The following SLC30A8 variants were observed in gnomAD, a reference collection of about 807,000 sequenced individuals.
The protein encoded by SLC30A8 is solute carrier family 30 member 8, also known as proton-coupled zinc antiporter SLC30A8.
A neutral mutation model predicts 36.9 loss-of-function variants in SLC30A8; 27 were observed. The ratio of observed to expected loss-of-function variants is 0.73; its 90% CI spans 0.54 to 1.01. SLC30A8 has a LOEUF of 1.01. SLC30A8 is among the 50% of genes least tolerant of loss of function. The pLI is 0.00. For synonymous variants in SLC30A8, 164 were observed against 172.4 expected (o/e 0.95, Z 0.38); for missense variants, 439 against 452.0 (o/e 0.97, Z 0.26).
At chr8:117,023,168 G>A (rs1231735020) in intron 1 of SLC30A8, among the ~76,000 whole-genome samples, 3 of 152,162 alleles carry the variant, frequency 2.0e-5, no homozygotes, top group Admixed American at 6.5e-5. Context: ...AAACCACAAT[G>A]AGATACCATC....
upstream of SLC30A8, among the ~76,000 whole-genome samples, chr8:117,130,856 T>C (rs1341999397): frequency 6.6e-6 from 1 of 151,952 alleles, no homozygotes. Flanking sequence ...TGGAGAAGAA[T>C]TGAAGAAATA....
intron 1 of SLC30A8, among the ~76,000 whole-genome samples, chr8:116,967,891 C>T (rs1428748737): frequency 3.3e-5 from 5 of 151,988 alleles, no homozygotes; most frequent in Non-Finnish European, 7.4e-5. Context: ...TGAATCGTCC[C>T]GGTTTTCTCT....
At chr8:117,035,794 A>G (rs7845491) in intron 1 of SLC30A8, among the ~76,000 whole-genome samples, 56,734 of 152,026 alleles carry the variant, frequency 0.37, 10,800 homozygotes, top group South Asian at 0.47. Flanking sequence ...AATTCTGTGT[A>G]CTGGAAGGCC....
chr8:116,970,905 G>A (rs1814772490), intron 1 of SLC30A8, among the ~76,000 whole-genome samples: 1 of 152,136 alleles, frequency 6.6e-6, no homozygotes, highest in East Asian at 1.9e-4. Context: ...GACCAGCCTG[G>A]CCAACATGGC....
intron 1 of SLC30A8, among the ~76,000 whole-genome samples, chr8:116,980,547 A>G (rs940439850): frequency 2.0e-5 from 3 of 152,186 alleles, no homozygotes; most frequent in African/African-American, 7.2e-5. Context: ...CTGGGGATAT[A>G]AAGTGTCATC....
rs376864539 is a variant in SLC30A8, at chr8:116,985,170, GA to G, written c.-266+34060del. ...GCAGAAATGTAGAAAGGTCAAATTAGAAAAAAAAATTTGCCTTTACTTCTTC... is the reference window on the plus strand; with the variant it reads ...GCAGAAATGTAGAAAGGTCAAATTAGAAAAAAAATTTGCCTTTACTTCTTC... On this transcript the variant is annotated intron_variant, in intron 1 of 10. Transcript: ENST00000427715. Among the ~76,000 whole-genome samples, 85 of 151,028 alleles carry G rather than the reference GA, an allele frequency of 5.6e-4. 2 individuals carry two copies. In the East Asian group the frequency reaches 0.011, roughly 20 times the overall value.
chr8:116,961,807 C>T (rs186622160), intron 1 of SLC30A8, among the ~76,000 whole-genome samples: 1 of 151,938 alleles, frequency 6.6e-6, no homozygotes, highest in Non-Finnish European at 1.5e-5. Flanking sequence ...TTGTGTCGCT[C>T]AGACTAGAGT....
At chr8:117,166,958 A>G (rs1349569649) in intron 6 of SLC30A8, among the ~76,000 whole-genome samples, 1 of 151,822 alleles carries the variant, frequency 6.6e-6, no homozygotes, top group Non-Finnish European at 1.5e-5. Flanking sequence ...TGGATAACGG[A>G]GTCAAATGTC....
intron 2 of SLC30A8, among the ~76,000 whole-genome samples, chr8:117,098,539 A>C (rs1220016510): frequency 6.6e-6 from 1 of 152,086 alleles, no homozygotes; most frequent in Non-Finnish European, 1.5e-5. Context: ...CCATTTCTGG[A>C]GAGAGAATAT....
intron 2 of SLC30A8, among the ~76,000 whole-genome samples, chr8:117,152,526 A>G (rs1822240992): frequency 6.6e-6 from 1 of 152,188 alleles, no homozygotes; most frequent in Admixed American, 6.5e-5. Context: ...ATAAAAACAC[A>G]TCTGTGGGCC....
intron 2 of SLC30A8, among the ~76,000 whole-genome samples, chr8:117,045,868 C>G (rs971580304): frequency 6.6e-6 from 1 of 152,106 alleles, no homozygotes; most frequent in East Asian, 1.9e-4. Flanking sequence ...GGCATGGTCT[C>G]TTTCTGCCTC....
chr8:117,136,560 T>C (rs1821368977), intron 1 of SLC30A8, among the ~76,000 whole-genome samples: 1 of 151,990 alleles, frequency 6.6e-6, no homozygotes, highest in Non-Finnish European at 1.5e-5. Flanking sequence ...AAAAGGATAT[T>C]TATAACTTGG....
chr8:117,038,381 T>C (rs1211452662), intron 1 of SLC30A8, among the ~76,000 whole-genome samples: 1 of 152,242 alleles, frequency 6.6e-6, no homozygotes, highest in Non-Finnish European at 1.5e-5. Context: ...TATGCATTCC[T>C]TTGAAACCAC....
intron 1 of SLC30A8, among the ~76,000 whole-genome samples, chr8:116,985,808 T>G (rs546187150): frequency 6.6e-6 from 1 of 152,254 alleles, no homozygotes; most frequent in South Asian, 2.1e-4. Flanking sequence ...TGCGTTCTGT[T>G]TTTTCTGCAT....
chr8:117,011,501 A>G (rs1430841817), intron 1 of SLC30A8, among the ~76,000 whole-genome samples: 1 of 152,058 alleles, frequency 6.6e-6, no homozygotes, highest in Non-Finnish European at 1.5e-5. Flanking sequence ...TTCTATACCA[A>G]CTCCTGCACC....
intron 2 of SLC30A8, among the ~76,000 whole-genome samples, chr8:117,073,388 G>A (rs1818390813): frequency 6.6e-6 from 1 of 151,986 alleles, no homozygotes; most frequent in South Asian, 2.1e-4. Flanking sequence ...TGAGTAGTTG[G>A]GATTACAGGC....
intron 1 of SLC30A8, among the ~76,000 whole-genome samples, chr8:117,141,386 C>T (rs1245509776): frequency 6.6e-6 from 1 of 152,016 alleles, no homozygotes; most frequent in Non-Finnish European, 1.5e-5. Context: ...CAAAGTGATA[C>T]AACATATTAA....
At chr8:117,117,237 ATTAAC>A (rs1469779658) in intron 2 of SLC30A8, among the ~76,000 whole-genome samples, 1 of 152,000 alleles carries the variant, frequency 6.6e-6, no homozygotes, top group Non-Finnish European at 1.5e-5. Flanking sequence ...ACTTATTTAT[ATTAAC>A]TTATTTAATC....
At chr8:116,971,590 A>T (rs868267752) in intron 1 of SLC30A8, among the ~76,000 whole-genome samples, 5 of 147,328 alleles carry the variant, frequency 3.4e-5, no homozygotes, top group East Asian at 2.0e-4. Context: ...TAGAGGAAAC[A>T]TTTTTTTTTT....
Sources: allele counts gnomAD v4.1 joint callset (sites outside exome capture counted in the v4.1 genomes callset), GRCh38; gene constraint gnomAD v4.1.1; transcripts MANE v1.5; gene names NCBI Gene and HGNC (gene_info 2026-07-23, HGNC 2026-07-21).